GMNN: variants seen among roughly 807,000 people sequenced by gnomAD.
GMNN encodes the protein geminin DNA replication inhibitor.
A neutral mutation model predicts 20.9 loss-of-function variants in GMNN; 14 were observed. The ratio of observed to expected loss-of-function variants is 0.67; its 90% confidence interval spans 0.44 to 1.05. GMNN has a LOEUF of 1.05. Among genes scored for constraint, GMNN ranks in the 50% least tolerant of loss-of-function variants. GMNN has a pLI of 0.00. For synonymous variants in GMNN, 81 were observed against 85.8 expected (o/e 0.94, Z 0.31); for missense variants, 227 against 243.8 (o/e 0.93, Z 0.46).
Position 24,780,703 on chromosome 6 carries a change from C to G in GMNN, c.92C>G (p.Pro31Arg). ...AGAAGAACTCTGAAGATGATTCAGCCTTCTGCATCTGGATCTCTTGTTGGA... is the reference window on the plus strand; with the variant it reads ...AGAAGAACTCTGAAGATGATTCAGCGTTCTGCATCTGGATCTCTTGTTGGA... ...VPRRTLKMIQ[P>R]SASGSLVGRE... Residue 31 changes from proline (P) to arginine (R), a missense_variant, in exon 3 of 7, where the codon CCT becomes CGT. Pro to Arg is a moderately radical substitution (Grantham distance 103). Transcript: ENST00000230056. 6.3e-7 allele frequency: 1 copy of G among 1,598,080 alleles called. No individual in the cohort carries two copies. Among genetic ancestry groups the G allele is most frequent in the Admixed American group, 1.7e-5 (1 of 60,000 alleles).
chr6:24,778,534 A>C (rs1169475683), intron 2 of GMNN, among the ~76,000 whole-genome samples: 1 of 152,182 alleles, frequency 6.6e-6, no homozygotes, highest in African/African-American at 2.4e-5. Context: ...AGTAAATTAA[A>C]TTGAGTACCT....
chr6:24,778,511 T>A (rs1196885254), intron 2 of GMNN, among the ~76,000 whole-genome samples: 1 of 152,040 alleles, frequency 6.6e-6, no homozygotes, highest in Non-Finnish European at 1.5e-5. Context: ...CTAAAAAAAT[T>A]TTTTTTATAT....
chr6:24,785,471 T>C (rs959708942), intron 6 of GMNN, among the ~76,000 whole-genome samples, 167 bp from the exon 7 acceptor site: 2 of 152,140 alleles, frequency 1.3e-5, no homozygotes, highest in African/African-American at 4.8e-5. Context: ...TGATCTAGCA[T>C]GGTAGAGACT....
intron 4 of GMNN, among the ~76,000 whole-genome samples, chr6:24,782,111 A>G (rs570937924): frequency 4.6e-5 from 7 of 152,228 alleles, no homozygotes. Context: ...GGTAGGGGGA[A>G]AGGATAGTTA....
chr6:24,784,091 TC>T lies in GMNN; in HGVS notation c.281del (p.Pro94HisfsTer41). ...ATATTTAAAATATTATTTTAGAAAA[TC>T]CATCCTCTCAGTATTGGAAGGAAGT... ...ESFDLMIKENPSSQYWKEVAE... is the reference protein window; with the variant it reads ...ESFDLMIKENXSSQYWKEVAE... On this transcript the variant is annotated frameshift_variant, in exon 5 of 7. Coordinates refer to ENST00000230056, the MANE Select transcript of GMNN (RefSeq NM_015895.5). LOFTEE classifies it high-confidence loss of function. The T allele has an allele frequency of 7.3e-7, 1 of 1,370,500 alleles. No individual in the cohort carries two copies. The highest frequency in any genetic ancestry group is 1.0e-6 in the Non-Finnish European group (1 of 969,272). The allele number at this position is 1,370,500 out of a possible 1,614,324, so 84.9% of individuals were successfully genotyped here.
At chr6:24,778,980 A>G (rs996159782) in intron 2 of GMNN, among the ~76,000 whole-genome samples, 2 of 152,176 alleles carry the variant, frequency 1.3e-5, no homozygotes, top group African/African-American at 4.8e-5. Context: ...ACTATCTTGA[A>G]TATAAAGGAT....
At chr6:24,784,369 T>A in intron 5 of GMNN, 75 bp from the exon 6 acceptor site, 1 of 758,630 alleles carries the variant, frequency 1.3e-6, no homozygotes, top group Non-Finnish European at 2.4e-6. Context: ...CTCCATGTTA[T>A]ATACTTGGAG....
intron 4 of GMNN, 80 bp from the exon 5 acceptor site, chr6:24,784,007 A>G: frequency 1.6e-6 from 1 of 643,534 alleles, no homozygotes. Flanking sequence ...GGGGGTACTA[A>G]GATTGGAAAT....
intron 4 of GMNN, 147 bp downstream of exon 4, chr6:24,781,768 G>T: frequency 2.2e-6 from 1 of 448,634 alleles, no homozygotes. Flanking sequence ...CCATTTGTTT[G>T]ACAAGATCCA....
chr6:24,782,519 T>C (rs1050262565), intron 4 of GMNN, among the ~76,000 whole-genome samples: 1 of 152,190 alleles, frequency 6.6e-6, no homozygotes, highest in Non-Finnish European at 1.5e-5. Flanking sequence ...TTGAATTGCC[T>C]TGAAGACAGG....
chr6:24,777,129 T>A (rs979468141), intron 1 of GMNN, 93 bp from the exon 2 acceptor site: 1 of 448,934 alleles, frequency 2.2e-6, no homozygotes, highest in South Asian at 6.2e-5. Context: ...ATAATAGTTC[T>A]ACTGTACAAT....
Position 24,775,007 on chromosome 6 carries a change from G to C in GMNN, c.-263G>C, listed in dbSNP as rs568441842. Reference sequence around the variant, plus strand: ...AGGGCTTTACTGCAGAGCGCGCCGGGCACTCCAGCGACCGTGGGGATCAGC... The same window carrying C: ...AGGGCTTTACTGCAGAGCGCGCCGGCCACTCCAGCGACCGTGGGGATCAGC... On this transcript the variant is annotated 5_prime_UTR_variant, in exon 1 of 7. Coordinates refer to ENST00000230056, the MANE Select transcript of GMNN (RefSeq NM_015895.5). 1 of 152,384 alleles carries C rather than the reference G, an allele frequency of 6.6e-6. No individual in the cohort carries two copies. Among genetic ancestry groups the C allele is most frequent in the Non-Finnish European group, 1.5e-5 (1 of 68,152 alleles). 9.4% of individuals were successfully genotyped at this position (152,384 alleles called of 1,614,324 possible). A position where few individuals can be genotyped will look rare whatever the true frequency, so the allele number is the denominator to read the frequency against.
At chr6:24,782,626 A>C (rs1337156579) in intron 4 of GMNN, among the ~76,000 whole-genome samples, 4 of 152,232 alleles carry the variant, frequency 2.6e-5, no homozygotes. Flanking sequence ...TGTAGATTGA[A>C]GAGCAGGATT....
intron 1 of GMNN, chr6:24,775,501 G>A (rs1226149438): frequency 6.6e-6 from 1 of 152,360 alleles, no homozygotes; most frequent in Non-Finnish European, 1.5e-5. Context: ...ACTGCAACGC[G>A]GGTAAGGGAC....
intron 2 of GMNN, among the ~76,000 whole-genome samples, chr6:24,780,012 T>A (rs774256493): frequency 1.4e-4 from 21 of 152,212 alleles, no homozygotes; most frequent in Non-Finnish European, 4.4e-5. Context: ...TACATTCTTT[T>A]GGTGAGTACA....
At chr6:24,778,308 C>T (rs2113572863) in intron 2 of GMNN, among the ~76,000 whole-genome samples, 1 of 152,222 alleles carries the variant, frequency 6.6e-6, no homozygotes, top group Admixed American at 6.5e-5. Context: ...ACTTTGAGAA[C>T]AGCCTGGGCA....
chr6:24,775,151 G>A lies in GMNN; in HGVS notation c.-119G>A, dbSNP rs988606576. On this transcript the variant is annotated 5_prime_UTR_variant, in exon 1 of 7. Transcript: ENST00000230056. Reference sequence around the variant, plus strand: ...AGGCGGCAGGAAGTGGGTACGCAGGGGCGCAAGGCGCACAGCCTCTAGACG... The same window carrying A: ...AGGCGGCAGGAAGTGGGTACGCAGGAGCGCAAGGCGCACAGCCTCTAGACG... 3.9e-5 allele frequency: 6 copies of A among 152,502 alleles called. No homozygotes were observed. Among genetic ancestry groups the A allele is most frequent in the African/African-American group, 1.4e-4 (6 of 41,482 alleles). The allele number at this position is 152,502 out of a possible 1,614,324, so 9.4% of individuals were successfully genotyped here. A position where few individuals can be genotyped will look rare whatever the true frequency, so the allele number is the denominator to read the frequency against.
At chr6:24,777,099 T>A (rs1359805825) in intron 1 of GMNN, 123 bp from the exon 2 acceptor site, 3 of 414,582 alleles carry the variant, frequency 7.2e-6, no homozygotes, top group Non-Finnish European at 1.3e-5. Flanking sequence ...CAGGGCTGAG[T>A]TTGGATTAAG....
At chr6:24,780,580 G>A in intron 2 of GMNN, 83 bp from the exon 3 acceptor site, 1 of 786,384 alleles carries the variant, frequency 1.3e-6, no homozygotes, top group Non-Finnish European at 2.3e-6. Context: ...AGGACTAAGA[G>A]TAACACTCCA....
Sources: allele counts gnomAD v4.1 joint callset (sites outside exome capture counted in the v4.1 genomes callset), GRCh38; gene constraint gnomAD v4.1.1; transcripts MANE v1.5; gene names NCBI Gene and HGNC (gene_info 2026-07-23, HGNC 2026-07-21).